ARHGAP39: variants seen among roughly 807,000 people sequenced by gnomAD.
The protein encoded by ARHGAP39 is rho GTPase-activating protein 39.
In ARHGAP39, 44 loss-of-function variants were observed where a neutral mutation model predicts 106.9. That is an observed-to-expected ratio of 0.41 (90% CI 0.32 to 0.53). ARHGAP39 has a LOEUF of 0.53. Ranked by LOEUF, ARHGAP39 falls within the 20% of genes least tolerant of loss-of-function variation. The pLI is 0.21. For missense variants in ARHGAP39, 1,496 were observed against 1,577.3 expected (o/e 0.95, Z 0.87); for synonymous variants, 768 against 693.2 (o/e 1.11, Z -1.69).
chr8:144,579,738 C>T (rs893116767), intron 3 of ARHGAP39, among the ~76,000 whole-genome samples: 3 of 152,130 alleles, frequency 2.0e-5, no homozygotes, highest in Non-Finnish European at 2.9e-5. Context: ...CAGATGAGCC[C>T]GGCAGTCCAA....
chr8:144,640,161 C>G (rs1821274857), intron 1 of ARHGAP39, among the ~76,000 whole-genome samples: 1 of 152,138 alleles, frequency 6.6e-6, no homozygotes, highest in African/African-American at 2.4e-5. Flanking sequence ...TGGCTAAACA[C>G]AAACACGTTC....
chr8:144,579,583 T>G (rs189698964), intron 3 of ARHGAP39, among the ~76,000 whole-genome samples: 1 of 152,116 alleles, frequency 6.6e-6, no homozygotes, highest in Non-Finnish European at 1.5e-5. Flanking sequence ...GCCCCATCCC[T>G]GGCCTCCCTT....
chr8:144,579,018 T>A (rs922926949), intron 3 of ARHGAP39, among the ~76,000 whole-genome samples: 1 of 151,334 alleles, frequency 6.6e-6, no homozygotes, highest in Non-Finnish European at 1.5e-5. Flanking sequence ...CTGGCTAACA[T>A]GGTGAAACCC....
the ARHGAP39 span, among the ~76,000 whole-genome samples, chr8:144,694,218 A>G: frequency 3.9e-5 from 6 of 152,200 alleles, no homozygotes; most frequent in Non-Finnish European, 7.3e-5. Flanking sequence ...GGCAGGGGCC[A>G]GGTGGTGGCA....
chr8:144,621,110 C>G (rs1820797200), intron 1 of ARHGAP39, among the ~76,000 whole-genome samples: 1 of 152,276 alleles, frequency 6.6e-6, no homozygotes, highest in Non-Finnish European at 1.5e-5. Context: ...GGCCCAAGCC[C>G]CAGCCTGCAG....
At chr8:144,581,616 G>A (rs1192115882) in intron 2 of ARHGAP39, among the ~76,000 whole-genome samples, 1 of 152,224 alleles carries the variant, frequency 6.6e-6, no homozygotes, top group Non-Finnish European at 1.5e-5. Flanking sequence ...CAGGATCGTG[G>A]CACAGGCCTG....
chr8:144,671,097 A>G lies in ARHGAP39; in HGVS notation c.-82+14589T>C, dbSNP rs1185597258. ...CCAGGGCCCTTCACATACCAAGCAC[A>G]TGCTAATTAATTCCAGTTTGTAAAT... is the stretch of plus-strand genomic sequence containing the variant. On this transcript the variant is annotated intron_variant, in intron 1 of 11. Coordinates refer to ENST00000377307, the MANE Select transcript of ARHGAP39 (RefSeq NM_025251.3). This position sits in a 1 kb window ranked among gnomAD's most constrained non-coding sequence, Gnocchi z 4.5. Among the ~76,000 whole-genome samples the G allele has an allele frequency of 9.9e-5, 15 of 152,284 alleles. No individual in the cohort carries two copies. Among genetic ancestry groups the G allele is most frequent in the African/African-American group, 2.4e-5 (1 of 41,564 alleles).
At chr8:144,532,241 G>C in intron 10 of ARHGAP39, 64 bp downstream of exon 10, 2 of 1,493,808 alleles carry the variant, frequency 1.3e-6, no homozygotes, top group South Asian at 1.1e-5. Context: ...GGCGGAGACA[G>C]GGGCCCCTGA....
At chr8:144,544,701 G>T (rs908584095) in intron 6 of ARHGAP39, among the ~76,000 whole-genome samples, 5 of 152,250 alleles carry the variant, frequency 3.3e-5, no homozygotes, top group Non-Finnish European at 7.3e-5. Flanking sequence ...AGGATGTGAT[G>T]ATGGCTCCGA....
At chr8:144,673,602 G>A (rs1307407047) in intron 1 of ARHGAP39, among the ~76,000 whole-genome samples, 1 of 152,120 alleles carries the variant, frequency 6.6e-6, no homozygotes, top group African/African-American at 2.4e-5. Flanking sequence ...CACTTCTTCT[G>A]GACACTTCAC....
intron 4 of ARHGAP39, among the ~76,000 whole-genome samples, chr8:144,549,399 C>T (rs1018880894): frequency 2.6e-5 from 4 of 152,244 alleles, no homozygotes; most frequent in African/African-American, 4.8e-5. Flanking sequence ...CGCGGCCTGA[C>T]GTCTTCTACA....
intron 1 of ARHGAP39, among the ~76,000 whole-genome samples, chr8:144,621,231 G>C (rs2130967905): frequency 6.6e-6 from 1 of 152,404 alleles, no homozygotes; most frequent in South Asian, 2.1e-4. Flanking sequence ...AGGGGCAGCA[G>C]GCCAGGCCAG....
At chr8:144,606,043 G>A (rs1035370367) in intron 1 of ARHGAP39, among the ~76,000 whole-genome samples, 1 of 152,316 alleles carries the variant, frequency 6.6e-6, no homozygotes, top group Middle Eastern at 3.4e-3. Context: ...TGGGAGGAGG[G>A]CGAACAGGAG....
At chr8:144,665,283 C>T (rs927630102) in intron 1 of ARHGAP39, among the ~76,000 whole-genome samples, 1 of 152,114 alleles carries the variant, frequency 6.6e-6, no homozygotes, top group Non-Finnish European at 1.5e-5. Context: ...AAAAGCATTC[C>T]ACTTTAAAAG....
rs555788707 is a variant in ARHGAP39, at chr8:144,548,097, A to G, written c.989T>C (p.Met330Thr). ...YQAPIYDEPP[M>T]DVQFEAGGGY... is the part of the protein sequence containing the mutation. ...CCCGCCAGCCTCGAATTGCACGTCC[A>G]TGGGGGGCTCATCGTAGATGGGGGC... The change falls in exon 5 of 12, where the codon ATG (methionine) becomes ACG (threonine). Residue 330 changes from methionine to threonine, a missense_variant. Around this residue, in one of 4 missense-constraint regions of ARHGAP39, gnomAD observed 905 missense variants for 816.4 expected, o/e 1.11. Transcript: ENST00000377307. The surrounding 1 kb of genome is among the most constrained non-coding windows in gnomAD (Gnocchi z 7.4). 1 of 1,589,828 alleles carries G rather than the reference A, an allele frequency of 6.3e-7. No homozygotes were observed. Among genetic ancestry groups the G allele is most frequent in the East Asian group, 2.2e-5 (1 of 44,486 alleles).
intron 2 of ARHGAP39, among the ~76,000 whole-genome samples, chr8:144,588,356 T>TGCC (rs1427394369): frequency 6.6e-6 from 1 of 152,256 alleles, no homozygotes; most frequent in African/African-American, 2.4e-5. Flanking sequence ...AGAGGCTGAC[T>TGCC]GCCCGGTGGG....
At chr8:144,577,433 T>C (rs751298268) in intron 3 of ARHGAP39, among the ~76,000 whole-genome samples, 1 of 151,962 alleles carries the variant, frequency 6.6e-6, no homozygotes, top group Non-Finnish European at 1.5e-5. Context: ...AGGAACTTGC[T>C]CAATAGAAAA....
chr8:144,552,844 C>T (rs1417646836), intron 4 of ARHGAP39, among the ~76,000 whole-genome samples: 4 of 151,518 alleles, frequency 2.6e-5, no homozygotes, highest in Non-Finnish European at 5.9e-5. Context: ...TAATTTATTT[C>T]ACAGGGACTT....
In ARHGAP39 at chr8:144,600,518, G is replaced by A. The variant is rs182415574; in HGVS notation, c.80+5017C>T. On this transcript the variant is annotated intron_variant, in intron 2 of 11. Transcript: ENST00000377307. ...CACTTGGGTACCTACCTGCGTGTGC[G>A]TGGAGGCGTGCGTGTGCACTTGTGT... Among the ~76,000 whole-genome samples the A allele has an allele frequency of 3.5e-3, 509 of 145,790 alleles. 8 individuals are homozygous for A. Among genetic ancestry groups the A allele is most frequent in the African/African-American group, 0.012 (458 of 39,044 alleles).
Sources: gnomAD v4.1 joint callset for allele counts (sites outside exome capture counted in the v4.1 genomes callset) on GRCh38, gnomAD v4.1.1 for gene constraint, gnomAD v4.1.1 regional missense constraint, Gnocchi (gnomAD v3.1) non-coding constraint, MANE v1.5 for transcripts, NCBI Gene and HGNC (gene_info 2026-07-23, HGNC 2026-07-21) for gene names.